The following PPP1R12B variants were observed in gnomAD, a reference collection of about 807,000 sequenced individuals.
PPP1R12B encodes myosin phosphatase target subunit 2.
In PPP1R12B, 76 loss-of-function variants were observed where a neutral mutation model predicts 126.1. That is an observed-to-expected ratio of 0.60 (90% CI 0.50 to 0.73). The LOEUF is 0.73. PPP1R12B is among the 30% of genes least tolerant of loss of function. The pLI is 0.00. For missense variants in PPP1R12B, 1,052 were observed against 1,205.1 expected, an observed-to-expected ratio of 0.87 and a Z score of 1.88; for synonymous variants, 356 against 434.7, an observed-to-expected ratio of 0.82 and a Z score of 2.25.
chr1:202,361,929 G>T (rs1344099674), intron 1 of PPP1R12B, among the ~76,000 whole-genome samples: 3 of 152,138 alleles, frequency 2.0e-5, no homozygotes, highest in African/African-American at 7.2e-5. Flanking sequence ...AGATTGGGTT[G>T]ATTGGCTGGC....
intron 2 of PPP1R12B, chr1:202,417,302 G>A: frequency 2.0e-6 from 2 of 985,250 alleles, no homozygotes; most frequent in Non-Finnish European, 2.4e-6. Flanking sequence ...AAAAATCAGT[G>A]CTTAGTACAA....
intron 8 of PPP1R12B, among the ~76,000 whole-genome samples, chr1:202,431,946 C>T (rs1670240192): frequency 6.6e-6 from 1 of 152,182 alleles, no homozygotes; most frequent in Admixed American, 6.5e-5. Flanking sequence ...TAGCAAGACC[C>T]TGTCTCTACA....
intron 1 of PPP1R12B, among the ~76,000 whole-genome samples, chr1:202,362,120 T>G (rs923758624): frequency 6.6e-6 from 1 of 152,130 alleles, no homozygotes; most frequent in African/African-American, 2.4e-5. Flanking sequence ...CTTTTTTTAG[T>G]TAGTGATTTT....
In PPP1R12B at chr1:202,416,867, C is replaced by T. The variant is rs530035081; in HGVS notation, c.372C>T (p.Gly124=). Residue 124 remains glycine, a synonymous_variant, in exon 2 of 24, where the codon GGC becomes GGT. Transcript: ENST00000608999. ...RANVNQQDNE[G]WTPLHAAASC... is the part of the protein sequence containing the mutation. ...ATGTAAACCAGCAAGACAACGAGGG[C>T]TGGACACCCCTTCATGCAGCAGCTT... 1 of 1,614,012 alleles carries T rather than the reference C, an allele frequency of 6.2e-7. No individual in the cohort carries two copies. Among genetic ancestry groups the T allele is most frequent in the Admixed American group, 1.7e-5 (1 of 60,020 alleles).
intron 1 of PPP1R12B, among the ~76,000 whole-genome samples, chr1:202,398,816 T>A (rs2741847): frequency 6.6e-6 from 1 of 152,146 alleles, no homozygotes; most frequent in African/African-American, 2.4e-5. Flanking sequence ...TCTCAATGGC[T>A]TTGGTGAAGC....
At chr1:202,410,133 T>C (rs1667200505) in intron 1 of PPP1R12B, 1 of 152,260 alleles carries the variant, frequency 6.6e-6, no homozygotes, top group Non-Finnish European at 1.5e-5. Context: ...TTCATGAATT[T>C]GCTTGTCATC....
intron 13 of PPP1R12B, among the ~76,000 whole-genome samples, chr1:202,460,307 T>C (rs1239260119): frequency 6.6e-6 from 1 of 152,218 alleles, no homozygotes; most frequent in Non-Finnish European, 1.5e-5. Context: ...GAGTACTGGC[T>C]GAGTCATATA....
In PPP1R12B at chr1:202,427,115, C is replaced by T; in HGVS notation, c.777C>T (p.His259=). 1 of 1,614,174 alleles carries T rather than the reference C, an allele frequency of 6.2e-7. No homozygotes were observed. Among genetic ancestry groups the T allele is most frequent in the Non-Finnish European group, 8.5e-7 (1 of 1,180,024 alleles). The change falls in exon 5 of 24, where the codon CAC becomes CAT. Residue 259 remains histidine (H), a synonymous_variant. Coordinates refer to ENST00000608999, the MANE Select transcript of PPP1R12B (RefSeq NM_002481.4). The stretch of plus-strand genomic sequence containing the variant: ...GGACTCCCCTCCATGCTGCTGCACA[C>T]TGGGGAGTGAAGGAGGCTTGCTCCA... ...DGWTPLHAAA[H]WGVKEACSIL...
Position 202,585,010 on chromosome 1 carries a change from A to G in PPP1R12B, c.*4450A>G, listed in dbSNP as rs1023863446. 2 of 152,290 alleles carry G rather than the reference A, an allele frequency of 1.3e-5. No homozygotes were observed. The highest frequency in any genetic ancestry group is 2.4e-5 in the African/African-American group (1 of 41,444). 9.4% of individuals were successfully genotyped at this position (152,290 alleles called of 1,614,324 possible). A position where few individuals can be genotyped will look rare whatever the true frequency, so the allele number is the denominator to read the frequency against. ...CCTAAATCTAGGCCCAGTTATTACT[A>G]CAAATCTTAGTCACCATACTCTCTC... On this transcript the variant is annotated 3_prime_UTR_variant, in exon 24 of 24. Transcript: ENST00000608999.
intron 13 of PPP1R12B, among the ~76,000 whole-genome samples, chr1:202,472,643 A>G (rs1482016366): frequency 1.3e-5 from 2 of 152,236 alleles, no homozygotes; most frequent in African/African-American, 2.4e-5. Flanking sequence ...AAAAGAATTC[A>G]AGATGATATA....
At chr1:202,495,018 C>A (rs1419558115) in intron 15 of PPP1R12B, among the ~76,000 whole-genome samples, 3 of 151,276 alleles carry the variant, frequency 2.0e-5, no homozygotes, top group Non-Finnish European at 2.9e-5. Flanking sequence ...CTATCTAGTA[C>A]CCTTTGGTTA....
intron 13 of PPP1R12B, among the ~76,000 whole-genome samples, chr1:202,470,802 G>A (rs1322917041): frequency 6.6e-6 from 1 of 151,942 alleles, no homozygotes; most frequent in Non-Finnish European, 1.5e-5. Flanking sequence ...CTACTCAAGT[G>A]GCTGATGTGG....
intron 18 of PPP1R12B, among the ~76,000 whole-genome samples, chr1:202,530,653 G>A (rs1413174357): frequency 6.6e-6 from 1 of 152,154 alleles, no homozygotes; most frequent in Non-Finnish European, 1.5e-5. Flanking sequence ...GGAACATTTT[G>A]TCAGCTAGTA....
Position 202,589,143 on chromosome 1 carries a change from A to G in PPP1R12B, c.*8583A>G, listed in dbSNP as rs1373189288. The stretch of plus-strand genomic sequence containing the variant: ...ACTATCCTGTAGTTCCAAACTACAA[A>G]TGTAGTTAACTTGGGGGCTATTGAA... On this transcript the variant is annotated 3_prime_UTR_variant, in exon 24 of 24. Coordinates refer to ENST00000608999, the MANE Select transcript of PPP1R12B (RefSeq NM_002481.4). The G allele has an allele frequency of 6.6e-6, 1 of 152,232 alleles. No individual in the cohort carries two copies. Among genetic ancestry groups the G allele is most frequent in the Non-Finnish European group, 1.5e-5 (1 of 68,046 alleles). The allele number at this position is 152,232 out of a possible 1,614,324, so 9.4% of individuals were successfully genotyped here. A position where few individuals can be genotyped will look rare whatever the true frequency, so the allele number is the denominator to read the frequency against.
At chr1:202,360,750 T>C (rs1658026713) in intron 1 of PPP1R12B, among the ~76,000 whole-genome samples, 1 of 151,638 alleles carries the variant, frequency 6.6e-6, no homozygotes, top group Admixed American at 6.6e-5. Context: ...ATAGTTAACA[T>C]AGGTTTAGTG....
chr1:202,530,969 G>A (rs1440089772), intron 18 of PPP1R12B, among the ~76,000 whole-genome samples: 1 of 152,150 alleles, frequency 6.6e-6, no homozygotes, highest in Non-Finnish European at 1.5e-5. Flanking sequence ...TCATTTTGTG[G>A]TAAAGTCCCT....
intron 1 of PPP1R12B, among the ~76,000 whole-genome samples, chr1:202,403,344 A>G (rs1273508965): frequency 1.3e-5 from 2 of 152,256 alleles, no homozygotes; most frequent in Admixed American, 1.3e-4. Context: ...TGGGCCAAAC[A>G]GTATATTTTT....
At chr1:202,555,707 C>T (rs1008652042) in intron 18 of PPP1R12B, among the ~76,000 whole-genome samples, 6 of 151,740 alleles carry the variant, frequency 4.0e-5, no homozygotes, top group African/African-American at 1.2e-4. Flanking sequence ...GAATGCTACC[C>T]CCATATGAAG....
chr1:202,457,786 T>C (rs914312049), intron 13 of PPP1R12B, among the ~76,000 whole-genome samples: 17 of 151,930 alleles, frequency 1.1e-4, no homozygotes, highest in African/African-American at 3.6e-4. Flanking sequence ...AAAGGCAACT[T>C]TAAGTTAACT....
Sources: allele counts gnomAD v4.1 joint callset (sites outside exome capture counted in the v4.1 genomes callset), GRCh38; gene constraint gnomAD v4.1.1; transcripts MANE v1.5; gene names NCBI Gene and HGNC (gene_info 2026-07-23, HGNC 2026-07-21).